The following HS6ST3 variants were observed in gnomAD, a reference collection of about 807,000 sequenced individuals.
The protein encoded by HS6ST3 is heparan sulfate 6-O-sulfotransferase 3, also known as heparan-sulfate 6-O-sulfotransferase 3.
HS6ST3 carries 12 observed loss-of-function variants against 36.7 expected under a neutral mutation model. That is an observed-to-expected ratio of 0.33 (90% confidence interval 0.21 to 0.53). HS6ST3 has a LOEUF of 0.53. Ranked by LOEUF, HS6ST3 falls within the 20% of genes least tolerant of loss-of-function variation. HS6ST3 has a pLI of 0.95. For missense variants in HS6ST3, 584 were observed against 640.9 expected, an observed-to-expected ratio of 0.91 and a Z score of 0.96; for synonymous variants, 240 against 257.5, an observed-to-expected ratio of 0.93 and a Z score of 0.65.
Position 96,266,640 on chromosome 13 carries a change from G to A in HS6ST3, c.707+175071G>A, listed in dbSNP as rs547226278. Among the ~76,000 whole-genome samples the A allele has an allele frequency of 2.6e-5, 4 of 152,236 alleles. No individual in the cohort carries two copies. The South Asian group carries it at 8.3e-4, about 32-fold the overall frequency. Reference sequence around the variant, plus strand: ...ATTTGCACTAATTCCCATTTTGACTGTGGGTACATCCCTTGAAATTTCTAA... The same window carrying A: ...ATTTGCACTAATTCCCATTTTGACTATGGGTACATCCCTTGAAATTTCTAA... On this transcript the variant is annotated intron_variant, in intron 1 of 1. Coordinates refer to ENST00000376705, the MANE Select transcript of HS6ST3 (RefSeq NM_153456.4).
At chr13:96,219,814 G>C (rs1281037932) in intron 1 of HS6ST3, among the ~76,000 whole-genome samples, 1 of 152,124 alleles carries the variant, frequency 6.6e-6, no homozygotes, top group Non-Finnish European at 1.5e-5. Flanking sequence ...CTCCCAAGTA[G>C]CTGGGACTAC....
At chr13:96,596,527 G>T (rs1321847134) in intron 1 of HS6ST3, among the ~76,000 whole-genome samples, 1 of 152,078 alleles carries the variant, frequency 6.6e-6, no homozygotes, top group Non-Finnish European at 1.5e-5. Context: ...AGTTCCTTGA[G>T]AAATCTTCAT....
intron 1 of HS6ST3, among the ~76,000 whole-genome samples, chr13:96,432,394 T>G (rs1449195656): frequency 1.3e-5 from 2 of 152,200 alleles, no homozygotes; most frequent in African/African-American, 4.8e-5. Context: ...ATTTTAATTC[T>G]CTTATCCCAT....
intron 1 of HS6ST3, among the ~76,000 whole-genome samples, chr13:96,554,309 ATAATAAT>A (rs1405044050): frequency 6.6e-6 from 1 of 152,246 alleles, no homozygotes; most frequent in African/African-American, 2.4e-5. Context: ...ATCTTGCTGT[ATAATAAT>A]TAAAATTTAT....
At chr13:96,712,385 A>C (rs1875582784) in intron 1 of HS6ST3, among the ~76,000 whole-genome samples, 1 of 152,158 alleles carries the variant, frequency 6.6e-6, no homozygotes, top group African/African-American at 2.4e-5. Flanking sequence ...ACATCAGTTG[A>C]TGTCTTGGAG....
At chr13:96,627,627 A>C (rs2056517597) in intron 1 of HS6ST3, among the ~76,000 whole-genome samples, 1 of 151,944 alleles carries the variant, frequency 6.6e-6, no homozygotes, top group African/African-American at 2.4e-5. Context: ...TTATTTTAAT[A>C]GTAAGACTCT....
intron 1 of HS6ST3, among the ~76,000 whole-genome samples, chr13:96,295,529 G>A (rs1437250676): frequency 6.6e-6 from 1 of 152,062 alleles, no homozygotes; most frequent in Admixed American, 6.6e-5. Flanking sequence ...CAGATGTTGA[G>A]CTCTCTTTAA....
intron 1 of HS6ST3, among the ~76,000 whole-genome samples, chr13:96,200,393 T>C (rs2054335550): frequency 6.6e-6 from 1 of 152,210 alleles, no homozygotes; most frequent in Non-Finnish European, 1.5e-5. Flanking sequence ...GCCTTAGGAC[T>C]TTGCACTGGC....
intron 1 of HS6ST3, among the ~76,000 whole-genome samples, chr13:96,553,937 C>G (rs1386301601): frequency 1.3e-5 from 2 of 152,164 alleles, no homozygotes; most frequent in Non-Finnish European, 2.9e-5. Flanking sequence ...CCAGCTGACT[C>G]AGAGACTATT....
chr13:96,127,764 C>T (rs576391458), intron 1 of HS6ST3, among the ~76,000 whole-genome samples: 1 of 152,148 alleles, frequency 6.6e-6, no homozygotes, highest in African/African-American at 2.4e-5. Context: ...ACGGTACTTG[C>T]AGGATCTCAC....
intron 1 of HS6ST3, among the ~76,000 whole-genome samples, chr13:96,674,789 C>T (rs940664318): frequency 4.6e-5 from 7 of 152,148 alleles, no homozygotes; most frequent in East Asian, 1.9e-4. Context: ...TCTGTTCCTC[C>T]TCCTATGCGT....
intron 1 of HS6ST3, among the ~76,000 whole-genome samples, chr13:96,149,469 A>G (rs2054074076): frequency 6.6e-6 from 1 of 152,176 alleles, no homozygotes; most frequent in South Asian, 2.1e-4. Flanking sequence ...TTAAAGTGAC[A>G]TGCATTCACA....
chr13:96,091,416 C>A lies in HS6ST3; in HGVS notation c.554C>A (p.Thr185Asn), dbSNP rs546169910. The stretch of plus-strand genomic sequence containing the variant: ...TGCAAAGCGGGTCAGAAGAAGTGCA[C>A]CTGCCACCGGCCTGGCAAGAAGGAG... ...CSCKAGQKKCTCHRPGKKETW... is the reference protein window; with the variant it reads ...CSCKAGQKKCNCHRPGKKETW... The change falls in exon 1 of 2, where the codon ACC (threonine) becomes AAC (asparagine). Residue 185 changes from threonine to asparagine, a missense_variant. Physicochemically the swap from Thr to Asn is moderately conservative, Grantham distance 65. Transcript: ENST00000376705. The A allele has an allele frequency of 6.2e-7, 1 of 1,613,150 alleles. No homozygotes were observed. Among genetic ancestry groups the A allele is most frequent in the Middle Eastern group, 1.7e-4 (1 of 6,060 alleles).
intron 1 of HS6ST3, among the ~76,000 whole-genome samples, chr13:96,231,010 A>C (rs1382680385): frequency 6.6e-6 from 1 of 152,142 alleles, no homozygotes; most frequent in African/African-American, 2.4e-5. Flanking sequence ...TCTTGTCTAT[A>C]TGGGAGGTGG....
Position 96,442,698 on chromosome 13 carries a change from G to T in HS6ST3, c.707+351129G>T, listed in dbSNP as rs557084420. ...GTAGCACACCTAGGGAGACCAGATGGGAGAGAAGAAGAGAAGACTTCAGGA... is the reference window on the plus strand; with the variant it reads ...GTAGCACACCTAGGGAGACCAGATGTGAGAGAAGAAGAGAAGACTTCAGGA... On this transcript the variant is annotated intron_variant, in intron 1 of 1. Transcript: ENST00000376705. Among the ~76,000 whole-genome samples the T allele has an allele frequency of 1.8e-4, 28 of 151,940 alleles. No homozygotes were observed. The South Asian group carries it at 5.2e-3, about 28-fold the overall frequency.
chr13:96,488,185 G>C (rs1566375257), intron 1 of HS6ST3, among the ~76,000 whole-genome samples: 1 of 151,970 alleles, frequency 6.6e-6, no homozygotes, highest in Non-Finnish European at 1.5e-5. Flanking sequence ...TGCACCCCGT[G>C]AACTTGGCTT....
chr13:96,378,629 A>T (rs1435377889), intron 1 of HS6ST3, among the ~76,000 whole-genome samples: 1 of 152,094 alleles, frequency 6.6e-6, no homozygotes, highest in African/African-American at 2.4e-5. Context: ...TGTACTTTCT[A>T]TGACGGCCCC....
At chr13:96,367,003 T>C (rs1012161554) in intron 1 of HS6ST3, among the ~76,000 whole-genome samples, 1 of 152,172 alleles carries the variant, frequency 6.6e-6, no homozygotes, top group African/African-American at 2.4e-5. Context: ...TCACCAGCCA[T>C]GTGGAACTGT....
intron 1 of HS6ST3, among the ~76,000 whole-genome samples, chr13:96,798,128 G>A (rs916393889): frequency 7.2e-5 from 11 of 151,874 alleles, no homozygotes; most frequent in Non-Finnish European, 1.3e-4. Context: ...TTATTATGAC[G>A]GATATAAACA....
Sources: allele counts gnomAD v4.1 joint callset (sites outside exome capture counted in the v4.1 genomes callset), GRCh38; gene constraint gnomAD v4.1.1; transcripts MANE v1.5; gene names NCBI Gene and HGNC (gene_info 2026-07-23, HGNC 2026-07-21).